The following PNPT1 variants were observed in gnomAD, a reference collection of about 807,000 sequenced individuals.
The protein encoded by PNPT1 is polyribonucleotide nucleotidyltransferase 1, mitochondrial.
A neutral mutation model predicts 119.5 loss-of-function variants in PNPT1; 53 were observed. The observed-to-expected ratio is 0.44, with a 90% CI of 0.36 to 0.56. The LOEUF is 0.56. Among genes scored for constraint, PNPT1 ranks in the 20% least tolerant of loss-of-function variants. PNPT1 has a pLI of 0.00. For missense variants in PNPT1, 948 were observed against 938.5 expected (o/e 1.01, Z -0.13); for synonymous variants, 357 against 322.1 (o/e 1.11, Z -1.16).
At chr2:55,650,284 A>G (rs1273431210) in intron 18 of PNPT1, among the ~76,000 whole-genome samples, 1 of 152,078 alleles carries the variant, frequency 6.6e-6, no homozygotes, top group African/African-American at 2.4e-5. Context: ...CTGCGATTGC[A>G]GGCGCGCGCC....
chr2:55,682,952 A>C (rs1697294585), intron 5 of PNPT1, among the ~76,000 whole-genome samples: 3 of 152,172 alleles, frequency 2.0e-5, no homozygotes, highest in African/African-American at 7.2e-5. Flanking sequence ...TAAGGCTGTG[A>C]TATTCTTGCA....
chr2:55,659,442 G>A (rs1696492542), intron 15 of PNPT1, among the ~76,000 whole-genome samples: 1 of 151,794 alleles, frequency 6.6e-6, no homozygotes, highest in East Asian at 1.9e-4. Context: ...ACATTTCAAT[G>A]AGCAAACAGA....
intron 23 of PNPT1, among the ~76,000 whole-genome samples, chr2:55,643,826 G>A (rs1359295908): frequency 6.6e-6 from 1 of 152,098 alleles, no homozygotes; most frequent in Non-Finnish European, 1.5e-5. Flanking sequence ...TAGTAGCTGG[G>A]TGGAGTTATG....
Position 55,654,987 on chromosome 2 carries a change from C to T in PNPT1, c.1442-34G>A, listed in dbSNP as rs371645028. ...AGAAAAATAACTGCTTTATATTAAACTGATTTTTTTAATGTAGAAAAGTGT... is the reference window on the plus strand; with the variant it reads ...AGAAAAATAACTGCTTTATATTAAATTGATTTTTTTAATGTAGAAAAGTGT... On this transcript the variant is annotated intron_variant, in intron 17 of 27. Transcript: ENST00000447944. The T allele has an allele frequency of 1.1e-3, 1,724 of 1,565,826 alleles. 1 individual carries two copies. Among genetic ancestry groups the T allele is most frequent in the Middle Eastern group, 1.5e-3 (9 of 5,934 alleles).
chr2:55,667,161 C>T lies in PNPT1; in HGVS notation c.1074-68G>A, dbSNP rs576529944. The T allele has an allele frequency of 2.3e-5, 29 of 1,236,670 alleles. No individual in the cohort carries two copies. The South Asian group carries it at 3.4e-4, about 14-fold the overall frequency. 76.6% of individuals were successfully genotyped at this position (1,236,670 alleles called of 1,614,324 possible). A position where few individuals can be genotyped will look rare whatever the true frequency, so the allele number is the denominator to read the frequency against. ...ACAGAAAAATCACATGTCTTTATCT[C>T]TCCCAGGAAGTTCTCAACCTCAGTT... On this transcript the variant is annotated intron_variant, in intron 12 of 27. Transcript: ENST00000447944.
chr2:55,658,518 G>C (rs1696462966), intron 15 of PNPT1, among the ~76,000 whole-genome samples: 2 of 152,058 alleles, frequency 1.3e-5, no homozygotes, highest in Non-Finnish European at 2.9e-5. Context: ...ACAGTTTTCA[G>C]TACCTATGCT....
chr2:55,661,091 C>CTTTTTTTTTTTTTTTTT, intron 14 of PNPT1, among the ~76,000 whole-genome samples: 1 of 71,598 alleles, frequency 1.4e-5, no homozygotes, highest in Non-Finnish European at 2.5e-5. Context: ...AATAGAGATT[C>CTTTTTTTTTTTTTTTTT]TTTTTTTTTT....
chr2:55,692,792 A>G (rs1471155233), intron 1 of PNPT1, among the ~76,000 whole-genome samples: 1 of 152,148 alleles, frequency 6.6e-6, no homozygotes, highest in African/African-American at 2.4e-5. Flanking sequence ...CACTTTAGGC[A>G]ATCAATTAGA....
intron 8 of PNPT1, 46 bp downstream of exon 8, chr2:55,679,636 C>T: frequency 1.5e-6 from 2 of 1,359,698 alleles, no homozygotes; most frequent in Non-Finnish European, 2.1e-6. Flanking sequence ...GAAGCCAGAA[C>T]TTGTAAGTAA....
At chr2:55,686,332 G>C in intron 3 of PNPT1, 38 bp downstream of exon 3, 2 of 1,547,124 alleles carry the variant, frequency 1.3e-6, no homozygotes, top group Non-Finnish European at 1.8e-6. Flanking sequence ...ACTTTACTCA[G>C]ACCATATTAC....
chr2:55,641,052 C>G (rs569868370), intron 25 of PNPT1, among the ~76,000 whole-genome samples: 4 of 151,822 alleles, frequency 2.6e-5, no homozygotes, highest in Non-Finnish European at 4.4e-5. Context: ...GGTGAAACCC[C>G]GTCTCTACTA....
chr2:55,673,988 G>A (rs945776892), intron 8 of PNPT1, among the ~76,000 whole-genome samples: 1 of 152,132 alleles, frequency 6.6e-6, no homozygotes, highest in Non-Finnish European at 1.5e-5. Context: ...CTCCTAAAGT[G>A]CTGGGATTAC....
In PNPT1 at chr2:55,643,319, A is replaced by T; in HGVS notation, c.2013T>A (p.Asp671Glu). 6.2e-7 allele frequency: 1 copy of T among 1,613,898 alleles called. No homozygotes were observed. Among genetic ancestry groups the T allele is most frequent in the Non-Finnish European group, 8.5e-7 (1 of 1,179,730 alleles). ...CGTAATTAATATGATCTATACTTAC[A>T]TCATCCTTGCAGATTTCAGTAATGA... ...RDFITEICKDDQEQQLEFGAV... is the reference protein window; with the variant it reads ...RDFITEICKDEQEQQLEFGAV... Residue 671 changes from aspartate (D) to glutamate (E), a missense_variant and splice_region_variant, in exon 24 of 28, where the codon GAT becomes GAA. By Grantham distance (45) the Asp-to-Glu change is conservative (BLOSUM62 2). Transcript: ENST00000447944.
At chr2:55,681,444 C>A (rs2104159526) in intron 5 of PNPT1, among the ~76,000 whole-genome samples, 1 of 152,058 alleles carries the variant, frequency 6.6e-6, no homozygotes, top group South Asian at 2.1e-4. Context: ...ATGGCCTCTT[C>A]CCAAAGGGTT....
intron 18 of PNPT1, among the ~76,000 whole-genome samples, chr2:55,651,384 G>C (rs1696194605): frequency 6.6e-6 from 1 of 152,100 alleles, no homozygotes; most frequent in African/African-American, 2.4e-5. Flanking sequence ...CCGTGTCTGT[G>C]TAGAAAGAGG....
chr2:55,688,202 T>G (rs1046900792), intron 1 of PNPT1, among the ~76,000 whole-genome samples: 1 of 151,950 alleles, frequency 6.6e-6, no homozygotes, highest in Admixed American at 6.6e-5. Flanking sequence ...ACCACTACAC[T>G]TGGCTAATTT....
At position 55,656,351 on chromosome 2, in the gene PNPT1, A is replaced by T. The variant is rs751379671; in HGVS notation, c.1305T>A (p.Asn435Lys). The T allele has an allele frequency of 6.2e-7, 1 of 1,609,294 alleles. No homozygotes were observed. The highest frequency in any genetic ancestry group is 8.5e-7 in the Non-Finnish European group (1 of 1,178,414). The change falls in exon 16 of 28, where the codon AAT (asparagine) becomes AAA (lysine). Residue 435 changes from asparagine to lysine, a missense_variant. By Grantham distance (94) the Asn-to-Lys change is moderately conservative. Coordinates refer to ENST00000447944, the MANE Select transcript of PNPT1 (RefSeq NM_033109.5). ...LHYEFPPYATNEIGKVTGLNR... is the reference protein window; with the variant it reads ...LHYEFPPYATKEIGKVTGLNR... Reference sequence around the variant, plus strand: ...TTAAACCAGTGACTTTGCCAATTTCATTAGTTGCATAAGGAGGAAACTTAA... The same window carrying T: ...TTAAACCAGTGACTTTGCCAATTTCTTTAGTTGCATAAGGAGGAAACTTAA...
intron 18 of PNPT1, among the ~76,000 whole-genome samples, chr2:55,650,995 G>A (rs1696168994): frequency 7.0e-6 from 1 of 143,532 alleles, no homozygotes. Flanking sequence ...GAGGTGAGGG[G>A]CGCCTCTGCC....
chr2:55,691,878 A>ATATATTTTT (rs1326804958), intron 1 of PNPT1, among the ~76,000 whole-genome samples: 5 of 33,120 alleles, frequency 1.5e-4, no homozygotes, highest in Non-Finnish European at 2.9e-4. Context: ...ATATATATAT[A>ATATATTTTT]TTTTTTTTTT....
Sources: gnomAD v4.1 joint callset for allele counts (sites outside exome capture counted in the v4.1 genomes callset) on GRCh38, gnomAD v4.1.1 for gene constraint, MANE v1.5 for transcripts, NCBI Gene and HGNC (gene_info 2026-07-23, HGNC 2026-07-21) for gene names.